Variants in TAF6L observed in about 807,000 individuals in gnomAD.
TAF6L encodes the protein TATA-box binding protein associated factor 6 like.
In TAF6L, 34 loss-of-function variants were observed where a neutral mutation model predicts 57.3. The ratio of observed to expected loss-of-function variants is 0.59; its 90% CI spans 0.45 to 0.79. TAF6L has a LOEUF of 0.79. Among genes scored for constraint, TAF6L ranks in the 30% least tolerant of loss-of-function variants. TAF6L has a pLI of 0.00. For missense variants in TAF6L, 782 were observed against 853.2 expected, an observed-to-expected ratio of 0.92 and a Z score of 1.04; for synonymous variants, 417 against 376.3, an observed-to-expected ratio of 1.11 and a Z score of -1.25.
chr11:62,785,419 C>A (rs1422983666), intron 9 of TAF6L, among the ~76,000 whole-genome samples: 1 of 151,138 alleles, frequency 6.6e-6, no homozygotes, highest in Non-Finnish European at 1.5e-5. Flanking sequence ...GTCTCGAACT[C>A]CTGACCTCCT....
chr11:62,779,857 G>A (rs1415302121), intron 6 of TAF6L, among the ~76,000 whole-genome samples: 2 of 143,980 alleles, frequency 1.4e-5, no homozygotes, highest in Non-Finnish European at 3.0e-5. Flanking sequence ...GTAGAGATGA[G>A]GTTTCACCGT....
chr11:62,786,005 A>G (rs1488204190), intron 9 of TAF6L: 2 of 368,730 alleles, frequency 5.4e-6, no homozygotes, highest in Non-Finnish European at 1.0e-5. Flanking sequence ...AATGAGCATT[A>G]TTTAGCACAC....
In TAF6L at chr11:62,779,972, A is replaced by T. The variant is rs1455680242; in HGVS notation, c.531+1009A>T. Reference sequence around the variant, plus strand: ...TGAGCCTATATATATATATATATATATATATTTTTTTTTTTTTTTTTTTTA... The same window carrying T: ...TGAGCCTATATATATATATATATATTTATATTTTTTTTTTTTTTTTTTTTA... On this transcript the variant is annotated intron_variant, in intron 6 of 10. Coordinates refer to ENST00000294168, the MANE Select transcript of TAF6L (RefSeq NM_006473.4). 9.5e-3 allele frequency among the ~76,000 whole-genome samples: 584 copies of T among 61,284 alleles called. 10 individuals carry two copies. Among genetic ancestry groups the T allele is most frequent in the African/African-American group, 0.026 (533 of 20,172 alleles). 40.2% of individuals were successfully genotyped at this position (61,284 alleles called of 152,430 possible). A position where few individuals can be genotyped will look rare whatever the true frequency, so the allele number is the denominator to read the frequency against.
At chr11:62,774,210 G>A in intron 1 of TAF6L, among the ~76,000 whole-genome samples, 1 of 152,018 alleles carries the variant, frequency 6.6e-6, no homozygotes. Context: ...CCGAGTAGCT[G>A]GGACTACAGG....
rs1375015285 is a variant in TAF6L at position 62,782,844 on chromosome 11, C to T, written c.960+19C>T. The T allele has an allele frequency of 1.2e-6, 2 of 1,613,076 alleles. No homozygotes were observed. Among genetic ancestry groups the T allele is most frequent in the Admixed American group, 1.7e-5 (1 of 59,862 alleles). On this transcript the variant is annotated intron_variant, in intron 9 of 10. Transcript: ENST00000294168. Reference sequence around the variant, plus strand: ...CTGGAAGGTGAGCACCCTGGCCTTTCTCACACAGCCGTAAGAACTCCCATT... The same window carrying T: ...CTGGAAGGTGAGCACCCTGGCCTTTTTCACACAGCCGTAAGAACTCCCATT...
rs767522703 is a variant in TAF6L at position 62,782,753 on chromosome 11, C to T, written c.888C>T (p.Ile296=). ...YQHILLSLQK[I]LADPVRPLCC... ...ATATCCTGCTATCCCTGCAGAAGAT[C>T]CTGGCAGATCCTGTGCGGCCGCTCT... is the stretch of plus-strand genomic sequence containing the variant. Residue 296 remains isoleucine (I), a synonymous_variant, in exon 9 of 11, where the codon ATC becomes ATT. Coordinates refer to ENST00000294168, the MANE Select transcript of TAF6L (RefSeq NM_006473.4). 28 of 1,613,022 alleles carry T rather than the reference C, an allele frequency of 1.7e-5. No homozygotes were observed. In the South Asian group the frequency reaches 3.0e-4, roughly 17 times the overall value.
chr11:62,778,757 A>G (rs2134707910), intron 5 of TAF6L, 112 bp from the exon 6 acceptor site: 1 of 922,732 alleles, frequency 1.1e-6, no homozygotes, highest in South Asian at 1.4e-5. Context: ...GTCCTGTCAG[A>G]AAGGCTTCTT....
intron 6 of TAF6L, 87 bp from the exon 7 acceptor site, chr11:62,781,807 G>GT: frequency 9.1e-7 from 1 of 1,094,212 alleles, no homozygotes; most frequent in Non-Finnish European, 1.4e-6. Context: ...ACATGAATAA[G>GT]GTGATACACT....
chr11:62,779,448 G>A (rs2084211009), intron 6 of TAF6L, among the ~76,000 whole-genome samples: 1 of 151,966 alleles, frequency 6.6e-6, no homozygotes, highest in African/African-American at 2.4e-5. Flanking sequence ...ACCTGCCTCA[G>A]CCTCCTAAAG....
In TAF6L at chr11:62,786,316, T is replaced by C; in HGVS notation, c.1017T>C (p.Ala339=). The change falls in exon 10 of 11, where the codon GCT becomes GCC. Residue 339 remains alanine, a synonymous_variant. Transcript: ENST00000294168. Reference sequence around the variant, plus strand: ...CCACCTACTGGACAAACTTGCAGGCTGTGCTGGATGATTATTCAGTATCTA... The same window carrying C: ...CCACCTACTGGACAAACTTGCAGGCCGTGCTGGATGATTATTCAGTATCTA... ...HLSTYWTNLQ[A]VLDDYSVSNA... 1 of 1,614,166 alleles carries C rather than the reference T, an allele frequency of 6.2e-7. No individual in the cohort carries two copies. Among genetic ancestry groups the C allele is most frequent in the Non-Finnish European group, 8.5e-7 (1 of 1,180,014 alleles).
At chr11:62,773,345 A>G (rs1174434626) in intron 1 of TAF6L, among the ~76,000 whole-genome samples, 4 of 150,646 alleles carry the variant, frequency 2.7e-5, no homozygotes, top group Admixed American at 2.7e-4. Context: ...ACGAGGTTTC[A>G]CCATATTGTC....
chr11:62,778,936 G>T lies in TAF6L; in HGVS notation c.504G>T (p.Val168=). The change falls in exon 6 of 11, where the codon GTG becomes GTT. Residue 168 remains valine (V), a synonymous_variant. Coordinates refer to ENST00000294168, the MANE Select transcript of TAF6L (RefSeq NM_006473.4). ...LKYYHQVTRA[V]LGDDPQLMKV... is the part of the protein sequence containing the mutation. ...ACTATCACCAGGTGACTCGTGCTGT[G>T]CTAGGGGATGATCCGCAACTGATGA... The T allele has an allele frequency of 6.2e-7, 1 of 1,614,070 alleles. No individual in the cohort carries two copies. Among genetic ancestry groups the T allele is most frequent in the Non-Finnish European group, 8.5e-7 (1 of 1,180,022 alleles).
intron 1 of TAF6L, chr11:62,774,697 A>C (rs1490823190): frequency 2.2e-6 from 1 of 454,464 alleles, no homozygotes; most frequent in Non-Finnish European, 4.4e-6. Flanking sequence ...GCATTTAGGC[A>C]CTGCAGCCAA....
intron 6 of TAF6L, among the ~76,000 whole-genome samples, chr11:62,780,936 C>CAAA (rs1302371766): frequency 1.9e-5 from 1 of 52,292 alleles, no homozygotes. Context: ...GACTCCATCT[C>CAAA]AAAAAAAAAA....
At chr11:62,783,995 A>ATATATT (rs2084250141) in intron 9 of TAF6L, among the ~76,000 whole-genome samples, 1 of 3,260 alleles carries the variant, frequency 3.1e-4, no homozygotes, top group African/African-American at 1.2e-3. Flanking sequence ...GCGCCACTAC[A>ATATATT]CTCCAGCCCG....
chr11:62,772,135 G>A (rs537652999), intron 1 of TAF6L: 2 of 456,254 alleles, frequency 4.4e-6, no homozygotes, highest in South Asian at 3.1e-5. Context: ...TTCCTTGCCT[G>A]TGAAATAGAC....
At chr11:62,782,621 T>G in intron 8 of TAF6L, 72 bp from the exon 9 acceptor site, 1 of 1,575,540 alleles carries the variant, frequency 6.3e-7, no homozygotes, top group Non-Finnish European at 8.7e-7. Flanking sequence ...GCTATTCTCT[T>G]TGTGTTGTCT....
chr11:62,781,025 C>T (rs922087550), intron 6 of TAF6L, among the ~76,000 whole-genome samples: 2 of 150,716 alleles, frequency 1.3e-5, no homozygotes, highest in African/African-American at 2.4e-5. Context: ...TGCTTGAGGC[C>T]GGGAGTTCGA....
intron 1 of TAF6L, 60 bp from the exon 2 acceptor site, chr11:62,775,711 A>G: frequency 1.3e-6 from 2 of 1,522,566 alleles, no homozygotes; most frequent in Non-Finnish European, 1.8e-6. Flanking sequence ...GTGTTGGATC[A>G]CACTCCTGGG....
Sources: gnomAD v4.1 joint callset for allele counts (sites outside exome capture counted in the v4.1 genomes callset) on GRCh38, gnomAD v4.1.1 for gene constraint, MANE v1.5 for transcripts, NCBI Gene and HGNC (gene_info 2026-07-23, HGNC 2026-07-21) for gene names.